The following MCTP1 variants were observed in gnomAD, a reference collection of about 807,000 sequenced individuals.
MCTP1 encodes the protein multiple C2 and transmembrane domain-containing protein 1.
In MCTP1, 69 loss-of-function variants were observed where a neutral mutation model predicts 120.6. That is an observed-to-expected ratio of 0.57 (90% confidence interval 0.47 to 0.70). MCTP1 has a LOEUF of 0.70. MCTP1 is among the 30% of genes least tolerant of loss of function. The pLI is 0.00. For missense variants in MCTP1, 1,203 were observed against 1,248.8 expected (o/e 0.96, Z 0.55); for synonymous variants, 529 against 493.1 (o/e 1.07, Z -0.96).
chr5:95,209,714 T>A (rs1244065079), intron 1 of MCTP1, among the ~76,000 whole-genome samples: 3 of 152,178 alleles, frequency 2.0e-5, no homozygotes, highest in African/African-American at 2.4e-5. Flanking sequence ...CCTGGAATGT[T>A]CCCACACCGG....
chr5:95,002,989 C>T (rs939896126), intron 2 of MCTP1, among the ~76,000 whole-genome samples: 1 of 152,124 alleles, frequency 6.6e-6, no homozygotes, highest in South Asian at 2.1e-4. Flanking sequence ...CAGCTTCCCC[C>T]ATGCTGTTCT....
chr5:94,910,006 G>A (rs1213772666), intron 9 of MCTP1, among the ~76,000 whole-genome samples: 2 of 151,976 alleles, frequency 1.3e-5, no homozygotes, highest in East Asian at 1.9e-4. Flanking sequence ...CGGTCAGTAT[G>A]TTTTAGTATC....
intron 1 of MCTP1, among the ~76,000 whole-genome samples, chr5:95,231,401 G>A (rs1754926350): frequency 6.6e-6 from 1 of 152,014 alleles, no homozygotes; most frequent in African/African-American, 2.4e-5. Flanking sequence ...ACAGGAATCA[G>A]ATTTACCTTC....
intron 1 of MCTP1, among the ~76,000 whole-genome samples, chr5:95,209,472 A>G (rs1442738495): frequency 6.6e-6 from 1 of 152,064 alleles, no homozygotes; most frequent in Non-Finnish European, 1.5e-5. Context: ...TTATTCCTAT[A>G]CTCAAAAACT....
chr5:94,911,211 T>C (rs1808476312), intron 9 of MCTP1, among the ~76,000 whole-genome samples: 1 of 152,188 alleles, frequency 6.6e-6, no homozygotes, highest in Non-Finnish European at 1.5e-5. Context: ...TAAATGCCCA[T>C]CAGAATGGAA....
intron 1 of MCTP1, among the ~76,000 whole-genome samples, chr5:95,146,346 C>T (rs971162917): frequency 1.3e-5 from 2 of 152,090 alleles, no homozygotes; most frequent in African/African-American, 4.8e-5. Context: ...CTCTTGCTTT[C>T]ATTGACATTT....
intron 1 of MCTP1, among the ~76,000 whole-genome samples, chr5:95,087,226 G>A (rs1237567552): frequency 1.2e-4 from 19 of 152,178 alleles, no homozygotes; most frequent in Admixed American, 1.2e-3. Context: ...CCCCTGCTTA[G>A]GGGTGACAGT....
chr5:94,764,711 C>G (rs1245964054), intron 19 of MCTP1, among the ~76,000 whole-genome samples: 2 of 151,276 alleles, frequency 1.3e-5, no homozygotes, highest in Non-Finnish European at 2.9e-5. Flanking sequence ...GCACCTAACA[C>G]TGTAGCACCA....
chr5:94,866,704 T>G (rs1405897606), intron 17 of MCTP1, among the ~76,000 whole-genome samples: 4 of 151,648 alleles, frequency 2.6e-5, no homozygotes, highest in Non-Finnish European at 4.4e-5. Flanking sequence ...TCAAGTAATA[T>G]CATGTAAATG....
intron 2 of MCTP1, among the ~76,000 whole-genome samples, chr5:94,953,965 A>T (rs1367908038): frequency 1.1e-5 from 1 of 89,338 alleles, no homozygotes; most frequent in Non-Finnish European, 2.1e-5. Flanking sequence ...TATATATACA[A>T]ATATATATAT....
intron 1 of MCTP1, among the ~76,000 whole-genome samples, chr5:95,168,666 T>G (rs1746777437): frequency 6.6e-6 from 1 of 152,244 alleles, no homozygotes; most frequent in Non-Finnish European, 1.5e-5. Context: ...GAAGCAATTG[T>G]GAATGGGAGT....
At chr5:94,972,686 G>A (rs1472187283) in intron 2 of MCTP1, among the ~76,000 whole-genome samples, 5 of 152,110 alleles carry the variant, frequency 3.3e-5, no homozygotes, top group African/African-American at 1.2e-4. Context: ...GTTACCAGAA[G>A]CTTAGTTTGC....
At chr5:94,780,853 C>G (rs770268932) in intron 18 of MCTP1, among the ~76,000 whole-genome samples, 23 of 152,106 alleles carry the variant, frequency 1.5e-4, no homozygotes, top group Non-Finnish European at 2.6e-4. Context: ...AAAATTTAAA[C>G]AGGGTTGATC....
At chr5:94,799,160 G>A (rs1348345672) in intron 17 of MCTP1, 28 bp from the exon 18 acceptor site, 4 of 1,594,770 alleles carry the variant, frequency 2.5e-6, no homozygotes, top group African/African-American at 2.7e-5. Context: ...GAGAAGAAGG[G>A]ATGAGTCAAC....
chr5:95,066,988 G>A (rs779894711), intron 1 of MCTP1, among the ~76,000 whole-genome samples: 1 of 152,162 alleles, frequency 6.6e-6, no homozygotes, highest in Non-Finnish European at 1.5e-5. Context: ...AGGAGGCGGA[G>A]CTTAGGGGTA....
chr5:94,786,842 C>T (rs1394723368), intron 18 of MCTP1, among the ~76,000 whole-genome samples: 2 of 152,038 alleles, frequency 1.3e-5, no homozygotes, highest in African/African-American at 4.8e-5. Flanking sequence ...TTCATCAGTC[C>T]ATTAAATATT....
chr5:94,791,032 G>C (rs1778781330), intron 18 of MCTP1, among the ~76,000 whole-genome samples: 1 of 150,960 alleles, frequency 6.6e-6, no homozygotes, highest in Non-Finnish European at 1.5e-5. Flanking sequence ...CAGCACTTTG[G>C]GAGGCCGAGG....
intron 2 of MCTP1, among the ~76,000 whole-genome samples, chr5:94,963,565 T>C (rs1406657241): frequency 6.6e-6 from 1 of 152,016 alleles, no homozygotes; most frequent in Non-Finnish European, 1.5e-5. Context: ...ATTACTGATG[T>C]TGAGGACCTT....
chr5:94,865,325 G>A lies in MCTP1; in HGVS notation c.2436+3008C>T, dbSNP rs757628218. On this transcript the variant is annotated intron_variant, in intron 17 of 22. Coordinates refer to ENST00000515393, the MANE Select transcript of MCTP1 (RefSeq NM_024717.7). Reference sequence around the variant, plus strand: ...ATTATTCTACATTTATTTTTGGATAGTAAAGTAGAAAAGAAAAGTTAAAAT... The same window carrying A: ...ATTATTCTACATTTATTTTTGGATAATAAAGTAGAAAAGAAAAGTTAAAAT... Among the ~76,000 whole-genome samples, 13 of 151,866 alleles carry A rather than the reference G, an allele frequency of 8.6e-5. No individual in the cohort carries two copies. The South Asian group carries it at 2.7e-3, about 32-fold the overall frequency.
Sources: gnomAD v4.1 joint callset for allele counts (sites outside exome capture counted in the v4.1 genomes callset) on GRCh38, gnomAD v4.1.1 for gene constraint, MANE v1.5 for transcripts, NCBI Gene and HGNC (gene_info 2026-07-23, HGNC 2026-07-21) for gene names.